The following DPP10 variants were observed in gnomAD, a reference collection of about 807,000 sequenced individuals.
DPP10 encodes the protein dipeptidyl peptidase like 10.
In DPP10, 33 loss-of-function variants were observed where a neutral mutation model predicts 120.9. The observed-to-expected ratio is 0.27, with a 90% confidence interval of 0.21 to 0.37. DPP10 has a LOEUF of 0.37. Ranked by LOEUF, DPP10 falls within the 10% of genes least tolerant of loss-of-function variation. DPP10 has a pLI of 1.00. For missense variants in DPP10, 816 were observed against 942.8 expected, an observed-to-expected ratio of 0.87 and a Z score of 1.76; for synonymous variants, 337 against 326.1, an observed-to-expected ratio of 1.03 and a Z score of -0.36.
intron 5 of DPP10, among the ~76,000 whole-genome samples, chr2:115,651,190 G>T (rs149351573): frequency 1.3e-5 from 2 of 152,054 alleles, no homozygotes; most frequent in Non-Finnish European, 2.9e-5. Flanking sequence ...AAGAAGGAAT[G>T]AATGAAACCT....
In DPP10 at chr2:115,842,216, C is replaced by T. The variant is rs1268949568; in HGVS notation, c.2262C>T (p.Tyr754=). The part of the protein sequence containing the change: ...KAGVNYTMQV[Y]PDEGHNVSEK... ...CTTTCTCCTCAATATCTTAGGTCTA[C>T]CCAGATGAAGGTCATAACGTATCTG... The change falls in exon 26 of 26, where the codon TAC becomes TAT. Residue 754 remains tyrosine, a synonymous_variant. Transcript: ENST00000410059. 1.2e-6 allele frequency: 2 copies of T among 1,608,018 alleles called. No individual in the cohort carries two copies. The highest frequency in any genetic ancestry group is 8.5e-7 in the Non-Finnish European group (1 of 1,175,614).
At chr2:115,129,113 G>T (rs1040948965) in intron 1 of DPP10, among the ~76,000 whole-genome samples, 1 of 152,170 alleles carries the variant, frequency 6.6e-6, no homozygotes, top group Admixed American at 6.5e-5. Flanking sequence ...TGGACCAAAT[G>T]ATTTCAAACT....
intron 2 of DPP10, among the ~76,000 whole-genome samples, chr2:115,322,890 A>T (rs961092879): frequency 6.6e-6 from 1 of 152,212 alleles, no homozygotes; most frequent in Non-Finnish European, 1.5e-5. Context: ...AAAAAATTCT[A>T]TTTGATGATC....
chr2:115,289,500 A>AG lies in DPP10; in HGVS notation c.61-19739_61-19738insG, dbSNP rs1553539645. ...CATAAGAAACCAAAAAAAAAAAAAA[A>AG]AAAAGGAAGAAAAGAAAAGAAAAAA... On this transcript the variant is annotated intron_variant, in intron 1 of 25. Coordinates refer to ENST00000410059, the MANE Select transcript of DPP10 (RefSeq NM_020868.6). 8.4e-4 allele frequency among the ~76,000 whole-genome samples: 95 copies of AG among 113,654 alleles called. 4 individuals carry two copies. Among genetic ancestry groups the AG allele is most frequent in the African/African-American group, 2.5e-3 (65 of 25,820 alleles). 74.6% of individuals were successfully genotyped at this position (113,654 alleles called of 152,430 possible). A position where few individuals can be genotyped will look rare whatever the true frequency, so the allele number is the denominator to read the frequency against.
intron 1 of DPP10, among the ~76,000 whole-genome samples, chr2:115,002,773 C>G (rs1701530301): frequency 6.6e-6 from 1 of 152,064 alleles, no homozygotes; most frequent in Admixed American, 6.6e-5. Context: ...CTCAATATCA[C>G]TAATCATTAC....
intron 1 of DPP10, among the ~76,000 whole-genome samples, chr2:114,667,052 C>A (rs977947806): frequency 6.6e-6 from 1 of 152,120 alleles, no homozygotes; most frequent in Non-Finnish European, 1.5e-5. Context: ...GCCTTTGTAG[C>A]GTGAGAGTAG....
chr2:114,514,361 G>A (rs1466701299), intron 1 of DPP10, among the ~76,000 whole-genome samples: 1 of 152,126 alleles, frequency 6.6e-6, no homozygotes, highest in Non-Finnish European at 1.5e-5. Flanking sequence ...ACTAGACCTT[G>A]GTGTCCTTAA....
At chr2:115,254,544 C>T (rs2058894854) in intron 1 of DPP10, among the ~76,000 whole-genome samples, 1 of 152,326 alleles carries the variant, frequency 6.6e-6, no homozygotes, top group African/African-American at 2.4e-5. Context: ...AGTCTTAACT[C>T]ATTCCAACAT....
At chr2:115,376,607 T>C (rs928736262) in intron 3 of DPP10, among the ~76,000 whole-genome samples, 5 of 151,732 alleles carry the variant, frequency 3.3e-5, no homozygotes, top group African/African-American at 1.2e-4. Flanking sequence ...ATGTGCAGGT[T>C]AGTTACAGAT....
intron 2 of DPP10, among the ~76,000 whole-genome samples, chr2:115,337,304 A>G (rs551721505): frequency 6.6e-6 from 1 of 152,180 alleles, no homozygotes; most frequent in East Asian, 1.9e-4. Flanking sequence ...CAGTTGGAAG[A>G]AGGGTTCTAG....
intron 1 of DPP10, among the ~76,000 whole-genome samples, chr2:114,890,505 T>TTGG (rs1241727796): frequency 6.6e-6 from 1 of 152,158 alleles, no homozygotes; most frequent in Non-Finnish European, 1.5e-5. Context: ...CATATTTGCA[T>TTGG]TGGATCCACA....
At chr2:115,385,403 T>C (rs1229124978) in intron 3 of DPP10, among the ~76,000 whole-genome samples, 2 of 151,790 alleles carry the variant, frequency 1.3e-5, no homozygotes, top group Non-Finnish European at 2.9e-5. Flanking sequence ...TCGCCCAGGC[T>C]GGAGTGCAGT....
intron 1 of DPP10, chr2:115,050,180 T>C (rs533302584): frequency 6.6e-6 from 1 of 152,264 alleles, no homozygotes; most frequent in African/African-American, 2.4e-5. Context: ...GCTGGAGAAA[T>C]TGGGAGACCA....
At chr2:114,830,547 C>A (rs1687007168) in intron 1 of DPP10, among the ~76,000 whole-genome samples, 3 of 152,312 alleles carry the variant, frequency 2.0e-5, no homozygotes, top group South Asian at 4.1e-4. Flanking sequence ...CGTAAATGTG[C>A]CTTCTCCCCT....
intron 1 of DPP10, among the ~76,000 whole-genome samples, chr2:114,764,900 T>TG (rs1680579161): frequency 6.6e-6 from 1 of 152,136 alleles, no homozygotes; most frequent in Admixed American, 6.6e-5. Flanking sequence ...AAGAATGTTG[T>TG]GGGGAAAATT....
intron 21 of DPP10, among the ~76,000 whole-genome samples, chr2:115,820,431 C>T (rs865795422): frequency 0.013 from 1,821 of 138,520 alleles, 33 homozygotes; most frequent in African/African-American, 0.042. Flanking sequence ...ATTTTTTTTT[C>T]TTTTTTTTTT....
intron 1 of DPP10, 58 bp downstream of exon 1, chr2:114,442,896 A>C: frequency 1.3e-6 from 2 of 1,595,052 alleles, no homozygotes; most frequent in Non-Finnish European, 1.7e-6. Flanking sequence ...TCTACCTAAC[A>C]CATGGGCATT....
intron 1 of DPP10, among the ~76,000 whole-genome samples, chr2:115,113,846 A>G (rs1251962503): frequency 1.3e-5 from 2 of 152,138 alleles, no homozygotes; most frequent in African/African-American, 4.8e-5. Flanking sequence ...TTTAGCTGTT[A>G]TTCTTTTTGT....
At chr2:115,025,542 G>A (rs1405901647) in intron 1 of DPP10, among the ~76,000 whole-genome samples, 5 of 151,862 alleles carry the variant, frequency 3.3e-5, no homozygotes, top group Admixed American at 6.6e-5. Flanking sequence ...TAGATCATAC[G>A]GTAATTCTAT....
Sources: allele counts gnomAD v4.1 joint callset (sites outside exome capture counted in the v4.1 genomes callset), GRCh38; gene constraint gnomAD v4.1.1; transcripts MANE v1.5; gene names NCBI Gene and HGNC (gene_info 2026-07-23, HGNC 2026-07-21).